The following ITPR1 variants were observed in gnomAD, a reference collection of about 807,000 sequenced individuals.
ITPR1 encodes inositol 1,4,5-trisphosphate-gated calcium channel ITPR1.
ITPR1 carries 96 observed loss-of-function variants against 318.4 expected under a neutral mutation model. The ratio of observed to expected loss-of-function variants is 0.30; its 90% CI spans 0.26 to 0.36. The LOEUF (loss-of-function observed/expected upper bound fraction) is 0.36. Among genes scored for constraint, ITPR1 ranks in the 10% least tolerant of loss-of-function variants. The pLI, the probability that ITPR1 is intolerant of heterozygous loss-of-function variation, is 1.00. For synonymous variants in ITPR1, 1,312 were observed against 1,289.9 expected (o/e 1.02, Z -0.37); for missense variants, 2,440 against 3,460.2 (o/e 0.71, Z 7.40).
At chr3:4,621,621 C>T (rs1305413555) in intron 4 of ITPR1, among the ~76,000 whole-genome samples, 1 of 152,226 alleles carries the variant, frequency 6.6e-6, no homozygotes, top group Non-Finnish European at 1.5e-5. Context: ...TGGTTTCCTA[C>T]TGTGTTTAGG....
At chr3:4,579,835 C>A (rs897287875) in intron 4 of ITPR1, among the ~76,000 whole-genome samples, 45 of 152,140 alleles carry the variant, frequency 3.0e-4, no homozygotes, top group African/African-American at 1.0e-3. Flanking sequence ...ATAGTTCCAT[C>A]CCCCAAAGAT....
chr3:4,556,287 G>A (rs1320191081), intron 4 of ITPR1, among the ~76,000 whole-genome samples: 5 of 152,008 alleles, frequency 3.3e-5, no homozygotes, highest in Non-Finnish European at 7.4e-5. Flanking sequence ...TGTTACAATT[G>A]ATGAACCTAC....
intron 2 of ITPR1, among the ~76,000 whole-genome samples, chr3:4,512,898 G>A (rs1310033378): frequency 2.0e-5 from 3 of 151,836 alleles, no homozygotes; most frequent in Non-Finnish European, 2.9e-5. Context: ...GGTGGAGTGC[G>A]GGAGCTGAGC....
At chr3:4,775,161 G>T (rs1166460733) in intron 46 of ITPR1, 81 bp from the exon 47 acceptor site, 10 of 995,506 alleles carry the variant, frequency 1.0e-5, no homozygotes, top group Non-Finnish European at 1.5e-5. Flanking sequence ...CCTATTAGAG[G>T]CTATCAGAAT....
At chr3:4,732,398 G>A (rs2042988404) in intron 42 of ITPR1, among the ~76,000 whole-genome samples, 1 of 152,136 alleles carries the variant, frequency 6.6e-6, no homozygotes, top group African/African-American at 2.4e-5. Context: ...GCCCACTCTT[G>A]TCTCACTTAT....
chr3:4,637,723 G>T (rs754270659), intron 5 of ITPR1, among the ~76,000 whole-genome samples: 1 of 151,882 alleles, frequency 6.6e-6, no homozygotes, highest in African/African-American at 2.4e-5. Context: ...CCTGTAATAT[G>T]GTTTCATTTT....
intron 8 of ITPR1, 75 bp downstream of exon 8, chr3:4,644,309 G>A (rs765961618): frequency 7.8e-5 from 74 of 946,624 alleles, no homozygotes; most frequent in Non-Finnish European, 1.2e-4. Flanking sequence ...GTGCATGCGT[G>A]TGCTGAGAGT....
chr3:4,591,374 A>T (rs180926603), intron 4 of ITPR1, among the ~76,000 whole-genome samples: 2 of 152,292 alleles, frequency 1.3e-5, no homozygotes, highest in East Asian at 1.9e-4. Context: ...TTTCTCCACA[A>T]CGTTGCCAGC....
intron 54 of ITPR1, 135 bp from the exon 55 acceptor site, chr3:4,805,968 G>T: frequency 1.4e-6 from 1 of 699,524 alleles, no homozygotes. Context: ...GGCGGGTTTG[G>T]TGGGCACCGG....
intron 4 of ITPR1, among the ~76,000 whole-genome samples, chr3:4,548,529 G>T (rs1426321039): frequency 1.3e-5 from 2 of 152,128 alleles, no homozygotes; most frequent in Non-Finnish European, 2.9e-5. Context: ...TTTTCCCGAA[G>T]CCCGTATGCC....
intron 10 of ITPR1, chr3:4,646,005 A>G (rs1024397560): frequency 2.9e-5 from 10 of 350,820 alleles, no homozygotes; most frequent in South Asian, 5.9e-5. Context: ...ATATTTGTGC[A>G]GAAGGAAAGA....
chr3:4,764,607 G>T (rs2045685573), intron 44 of ITPR1, among the ~76,000 whole-genome samples: 1 of 152,212 alleles, frequency 6.6e-6, no homozygotes, highest in Admixed American at 6.5e-5. Context: ...CAATAGGCTT[G>T]GGAGCTGCTG....
At position 4,684,293 on chromosome 3, in the gene ITPR1, A is replaced by G; in HGVS notation, c.3511A>G (p.Lys1171Glu). Reference protein sequence around the residue: ...EHKKTEEGNNKPQKHESTSSY... With the variant: ...EHKKTEEGNNEPQKHESTSSY... Reference sequence around the variant, plus strand: ...CTTTGGTTTCTAGGAGGGAAATAACAAGCCACAAAAGCATGAAAGCACCAG... The same window carrying G: ...CTTTGGTTTCTAGGAGGGAAATAACGAGCCACAAAAGCATGAAAGCACCAG... The change falls in exon 29 of 62, where the codon AAG becomes GAG. Residue 1171 changes from lysine (K) to glutamate (E), a missense_variant. Physicochemically the swap from Lys to Glu is moderately conservative, Grantham distance 56 (BLOSUM62 1). Coordinates refer to ENST00000649015, the MANE Select transcript of ITPR1 (RefSeq NM_001378452.1). 2 of 1,612,222 alleles carry G rather than the reference A, an allele frequency of 1.2e-6. No individual in the cohort carries two copies. The highest frequency in any genetic ancestry group is 1.1e-5 in the South Asian group (1 of 90,618).
chr3:4,782,551 G>A (rs908140098), intron 49 of ITPR1, 68 bp from the exon 50 acceptor site: 2 of 1,484,316 alleles, frequency 1.3e-6, no homozygotes, highest in African/African-American at 2.8e-5. Flanking sequence ...CAGTGTGCAT[G>A]CTGTCCATCC....
intron 51 of ITPR1, among the ~76,000 whole-genome samples, chr3:4,784,726 C>A (rs1232195838): frequency 3.7e-3 from 410 of 109,344 alleles, no homozygotes; most frequent in African/African-American, 4.2e-3. Context: ...ACTAAAAATA[C>A]AAAAAAAAAA....
chr3:4,546,396 AG>A (rs1288690092), intron 4 of ITPR1, among the ~76,000 whole-genome samples: 2 of 152,174 alleles, frequency 1.3e-5, no homozygotes, highest in African/African-American at 4.8e-5. Context: ...CAGCCAAAAG[AG>A]GATGACCTCT....
chr3:4,526,624 CT>C (rs2082999986), intron 4 of ITPR1, among the ~76,000 whole-genome samples: 1 of 152,230 alleles, frequency 6.6e-6, no homozygotes, highest in Non-Finnish European at 1.5e-5. Flanking sequence ...GTGCAAAGCA[CT>C]TCCTTTGAAT....
At chr3:4,611,980 C>T (rs1252225024) in intron 4 of ITPR1, among the ~76,000 whole-genome samples, 2 of 151,792 alleles carry the variant, frequency 1.3e-5, no homozygotes, top group Non-Finnish European at 2.9e-5. Context: ...GTCAAAAATA[C>T]TCAGAAACCA....
At chr3:4,740,438 A>C (rs556635773) in intron 44 of ITPR1, among the ~76,000 whole-genome samples, 1 of 152,240 alleles carries the variant, frequency 6.6e-6, no homozygotes, top group Non-Finnish European at 1.5e-5. Context: ...TCTAGATTTC[A>C]TTGTCCAGAC....
Sources: allele counts gnomAD v4.1 joint callset (sites outside exome capture counted in the v4.1 genomes callset), GRCh38; gene constraint gnomAD v4.1.1; transcripts MANE v1.5; gene names NCBI Gene and HGNC (gene_info 2026-07-23, HGNC 2026-07-21).